OR2L13: variants seen among roughly 807,000 people sequenced by gnomAD.
OR2L13 encodes olfactory receptor family 2 subfamily L member 13, also known as olfactory receptor 2L13.
Under a neutral mutation model 15.3 loss-of-function variants are expected in OR2L13, and 14 were observed. The ratio of observed to expected loss-of-function variants is 0.91; its 90% CI spans 0.60 to 1.43. The LOEUF (loss-of-function observed/expected upper bound fraction) is 1.43, where lower values mean the gene tolerates loss of function less well. Ranked by LOEUF, OR2L13 falls within the 40% of genes most tolerant of loss-of-function variation. The probability of loss-of-function intolerance (pLI) is 0.00; values close to 1 mark genes in which losing one functional copy is unlikely to be tolerated. For synonymous variants in OR2L13, 152 were observed against 142.9 expected, an observed-to-expected ratio of 1.06 and a Z score of -0.45; for missense variants, 367 against 387.9, an observed-to-expected ratio of 0.95 and a Z score of 0.45.
the OR2L13 span, among the ~76,000 whole-genome samples, chr1:248,074,954 T>C: frequency 4.6e-5 from 7 of 152,190 alleles, no homozygotes; most frequent in African/African-American, 1.7e-4. Context: ...ACATGTGCCA[T>C]GTTGGTTTGC....
chr1:248,084,570 G>A, the OR2L13 span: 3,609 of 1,603,934 alleles, frequency 2.3e-3, 63 homozygotes, highest in African/African-American at 0.038. Flanking sequence ...GGAGAATAAA[G>A]TCTGGGGTAG....
rs868403610 is a variant in OR2L13 at position 248,099,733 on chromosome 1, G to C, written c.358G>C (p.Asp120His). The change falls in exon 3 of 3, where the codon GAC (aspartate) becomes CAC (histidine). Residue 120 changes from aspartate to histidine, a missense_variant. Asp to His is a moderately conservative substitution (Grantham distance 81). Coordinates refer to ENST00000641714, the Ensembl canonical transcript of OR2L13. ...CTTACTCCTGACCTCCATGGCCTAC[G>C]ACCGTTATTTGGCCATCTGCCACTC... 8 of 1,613,910 alleles carry C rather than the reference G, an allele frequency of 5.0e-6. No individual in the cohort carries two copies. The highest frequency in any genetic ancestry group is 5.9e-6 in the Non-Finnish European group (7 of 1,179,992).
At chr1:247,956,769 G>A in the OR2L13 span, among the ~76,000 whole-genome samples, 1 of 152,246 alleles carries the variant, frequency 6.6e-6, no homozygotes. Context: ...GTAGAAGAAT[G>A]CTTGTGATTT....
chr1:248,002,140 A>G, the OR2L13 span, among the ~76,000 whole-genome samples: 2 of 152,192 alleles, frequency 1.3e-5, no homozygotes, highest in Non-Finnish European at 2.9e-5. Flanking sequence ...CCAATGTCAT[A>G]AAATACCTGA....
At chr1:247,980,483 G>A in the OR2L13 span, among the ~76,000 whole-genome samples, 2 of 152,156 alleles carry the variant, frequency 1.3e-5, no homozygotes, top group African/African-American at 2.4e-5. Context: ...CATATAAAAT[G>A]TAGGATTTCA....
At chr1:248,040,222 C>T in the OR2L13 span, 3 of 152,220 alleles carry the variant, frequency 2.0e-5, no homozygotes, top group Admixed American at 2.0e-4. Context: ...TTAAAAGGAT[C>T]AACATTATTT....
the OR2L13 span, chr1:248,041,684 C>G: frequency 1.3e-5 from 2 of 152,056 alleles, no homozygotes; most frequent in Non-Finnish European, 2.9e-5. Flanking sequence ...ACAACCCCAT[C>G]AAAAAGTGGG....
the OR2L13 span, chr1:248,061,732 A>T: frequency 2.0e-6 from 2 of 1,003,042 alleles, no homozygotes; most frequent in Admixed American, 6.0e-5. Flanking sequence ...TAATCAAGGT[A>T]AGAGAAAAAA....
the OR2L13 span, among the ~76,000 whole-genome samples, chr1:248,079,226 C>T: frequency 0.11 from 16,697 of 149,722 alleles, 1,427 homozygotes; most frequent in African/African-American, 0.24. Flanking sequence ...CATAGTAACA[C>T]TGGGACAAGC....
chr1:248,056,502 G>T, the OR2L13 span, among the ~76,000 whole-genome samples: 1 of 151,958 alleles, frequency 6.6e-6, no homozygotes, highest in African/African-American at 2.4e-5. Flanking sequence ...TGCAATAAAT[G>T]TCCCTCTTAA....
the OR2L13 span, among the ~76,000 whole-genome samples, chr1:248,009,358 A>G: frequency 6.6e-6 from 1 of 152,180 alleles, no homozygotes; most frequent in African/African-American, 2.4e-5. Context: ...CTGATCCCAC[A>G]GAAACACCGA....
chr1:248,068,570 AC>A, the OR2L13 span, among the ~76,000 whole-genome samples: 1 of 152,286 alleles, frequency 6.6e-6, no homozygotes, highest in East Asian at 1.9e-4. Context: ...AAAGCAGAGC[AC>A]CTCTCCTCCT....
At chr1:247,960,461 C>T in the OR2L13 span, among the ~76,000 whole-genome samples, 1 of 152,208 alleles carries the variant, frequency 6.6e-6, no homozygotes, top group African/African-American at 2.4e-5. Flanking sequence ...CTACTCTCTT[C>T]AAAGCTGTCA....
the OR2L13 span, among the ~76,000 whole-genome samples, chr1:248,051,737 T>C: frequency 1.3e-5 from 2 of 152,048 alleles, no homozygotes; most frequent in Admixed American, 6.5e-5. Flanking sequence ...TAAAAAAAAA[T>C]CCAAAAATGT....
chr1:247,988,358 T>C, the OR2L13 span, among the ~76,000 whole-genome samples: 1 of 152,164 alleles, frequency 6.6e-6, no homozygotes, highest in Non-Finnish European at 1.5e-5. Context: ...ATTTTTAATT[T>C]CCAAGAGTCA....
the OR2L13 span, among the ~76,000 whole-genome samples, chr1:247,964,407 C>A: frequency 3.9e-5 from 6 of 152,018 alleles, no homozygotes; most frequent in Non-Finnish European, 7.4e-5. Context: ...CAAGTAAATT[C>A]CAAATTTACT....
chr1:248,067,668 T>C, the OR2L13 span, among the ~76,000 whole-genome samples: 1 of 152,212 alleles, frequency 6.6e-6, no homozygotes, highest in East Asian at 1.9e-4. Flanking sequence ...CAGCGCACCG[T>C]GTGCGAGCCG....
At chr1:248,009,826 G>C in the OR2L13 span, among the ~76,000 whole-genome samples, 1 of 152,060 alleles carries the variant, frequency 6.6e-6, no homozygotes, top group Non-Finnish European at 1.5e-5. Context: ...CCACCATCAA[G>C]TTGGATTCAC....
At chr1:247,980,730 G>C in the OR2L13 span, 1 of 152,084 alleles carries the variant, frequency 6.6e-6, no homozygotes. Context: ...TGTTCTTCAG[G>C]TAAAGAAACA....
Sources: allele counts gnomAD v4.1 joint callset (sites outside exome capture counted in the v4.1 genomes callset), GRCh38; gene constraint gnomAD v4.1.1; transcripts MANE v1.5; gene names NCBI Gene and HGNC (gene_info 2026-07-23, HGNC 2026-07-21).